The following KLF13 variants were observed in gnomAD, a reference collection of about 807,000 sequenced individuals.
KLF13 encodes the protein KLF transcription factor 13, also known as Krueppel-like factor 13.
Under a neutral mutation model 16.7 loss-of-function variants are expected in KLF13, and 8 were observed. The ratio of observed to expected loss-of-function variants is 0.48; its 90% CI spans 0.28 to 0.87. The LOEUF is 0.87. Ranked by LOEUF, KLF13 falls within the 40% of genes least tolerant of loss-of-function variation. KLF13 has a pLI of 0.10. For missense variants in KLF13, 447 were observed against 452.2 expected, an observed-to-expected ratio of 0.99 and a Z score of 0.10; for synonymous variants, 245 against 208.4, an observed-to-expected ratio of 1.18 and a Z score of -1.51.
chr15:31,349,390 A>C (rs896319819), intron 1 of KLF13, among the ~76,000 whole-genome samples: 1 of 152,194 alleles, frequency 6.6e-6, no homozygotes, highest in African/African-American at 2.4e-5. Context: ...GCCACATGGG[A>C]GGCGGGTGCC....
intron 1 of KLF13, among the ~76,000 whole-genome samples, chr15:31,430,477 C>T (rs941774737): frequency 7.2e-5 from 11 of 152,192 alleles, no homozygotes; most frequent in South Asian, 2.1e-4. Flanking sequence ...TGCTGCATCA[C>T]GACATGTTGG....
At chr15:31,349,237 AT>A (rs1339711097) in intron 1 of KLF13, among the ~76,000 whole-genome samples, 4 of 152,082 alleles carry the variant, frequency 2.6e-5, no homozygotes, top group Non-Finnish European at 4.4e-5. Context: ...CTGTCATTCC[AT>A]CTGGGGGAAT....
intron 1 of KLF13, among the ~76,000 whole-genome samples, chr15:31,335,197 T>G (rs2038907452): frequency 6.6e-6 from 1 of 152,140 alleles, no homozygotes; most frequent in Non-Finnish European, 1.5e-5. Flanking sequence ...TTTTAGATCT[T>G]AGGTCCGTCT....
intron 1 of KLF13, among the ~76,000 whole-genome samples, chr15:31,351,881 C>T (rs1289487188): frequency 3.3e-5 from 5 of 151,988 alleles, no homozygotes; most frequent in African/African-American, 4.8e-5. Flanking sequence ...GGTGTGGTGG[C>T]GGACGCCTGT....
downstream of KLF13, among the ~76,000 whole-genome samples, chr15:31,378,062 C>G (rs894965009): frequency 6.6e-6 from 1 of 152,122 alleles, no homozygotes; most frequent in South Asian, 2.1e-4. Context: ...CAGAAGAGCT[C>G]TTGCACACAG....
chr15:31,379,457 G>A (rs1401779330), downstream of KLF13, among the ~76,000 whole-genome samples: 2 of 151,490 alleles, frequency 1.3e-5, no homozygotes, highest in African/African-American at 2.4e-5. Flanking sequence ...AAAAAAAAAA[G>A]CCTGTCAGTT....
chr15:31,328,181 C>A (rs1366831376), intron 1 of KLF13, among the ~76,000 whole-genome samples: 1 of 150,300 alleles, frequency 6.7e-6, no homozygotes, highest in Admixed American at 6.6e-5. Context: ...GCGCCCGGAG[C>A]GGGGGCAGGG....
chr15:31,344,996 T>TG (rs1183267431), intron 1 of KLF13, among the ~76,000 whole-genome samples: 1 of 152,178 alleles, frequency 6.6e-6, no homozygotes, highest in African/African-American at 2.4e-5. Flanking sequence ...TGTGAGCTGT[T>TG]GCAGTTTGGG....
At chr15:31,344,510 C>A (rs1051669563) in intron 1 of KLF13, among the ~76,000 whole-genome samples, 1 of 152,240 alleles carries the variant, frequency 6.6e-6, no homozygotes, top group African/African-American at 2.4e-5. Context: ...TGACTTCACC[C>A]TACTGTCATG....
At chr15:31,401,718 G>A (rs1210971112) in intron 2 of KLF13, among the ~76,000 whole-genome samples, 1 of 152,216 alleles carries the variant, frequency 6.6e-6, no homozygotes, top group African/African-American at 2.4e-5. Flanking sequence ...TGCGGTACTT[G>A]CCCAAGGCCA....
chr15:31,418,847 C>T (rs1215614478), intron 1 of KLF13, among the ~76,000 whole-genome samples: 2 of 152,172 alleles, frequency 1.3e-5, no homozygotes, highest in Non-Finnish European at 1.5e-5. Context: ...TGGTGGCTCA[C>T]ATCTGTGATC....
intron 1 of KLF13, among the ~76,000 whole-genome samples, chr15:31,347,007 T>C (rs753698894): frequency 3.9e-5 from 6 of 152,166 alleles, no homozygotes; most frequent in Non-Finnish European, 7.4e-5. Context: ...TCAGTTCCCC[T>C]ACCTGCTGGC....
chr15:31,372,407 C>A lies in KLF13; in HGVS notation c.*108C>A, dbSNP rs2039569529. On this transcript the variant is annotated 3_prime_UTR_variant, in exon 2 of 2. Coordinates refer to ENST00000307145, the MANE Select transcript of KLF13 (RefSeq NM_015995.4). Reference sequence around the variant, plus strand: ...ACTTGATGCAAAGTCCACGAAAAAACAATTTTTTTCACCTCAGGTGTCAAA... The same window carrying A: ...ACTTGATGCAAAGTCCACGAAAAAAAAATTTTTTTCACCTCAGGTGTCAAA... 1 of 1,195,276 alleles carries A rather than the reference C, an allele frequency of 8.4e-7. No individual in the cohort carries two copies. The highest frequency in any genetic ancestry group is 1.1e-6 in the Non-Finnish European group (1 of 918,146). 74.0% of individuals were successfully genotyped at this position (1,195,276 alleles called of 1,614,324 possible).
intron 2 of KLF13, among the ~76,000 whole-genome samples, chr15:31,398,705 G>T (rs963082908): frequency 6.6e-6 from 1 of 152,120 alleles, no homozygotes; most frequent in Non-Finnish European, 1.5e-5. Context: ...AGGCCCCCAG[G>T]CCTTGGAAAG....
chr15:31,388,570 A>T (rs2140980814), upstream of KLF13, among the ~76,000 whole-genome samples: 1 of 150,132 alleles, frequency 6.7e-6, no homozygotes, highest in South Asian at 2.1e-4. Flanking sequence ...GTGAGCCAAG[A>T]TTTCAGCCTG....
chr15:31,417,057 T>C (rs2040263816), intron 1 of KLF13, among the ~76,000 whole-genome samples: 1 of 152,188 alleles, frequency 6.6e-6, no homozygotes, highest in Admixed American at 6.6e-5. Flanking sequence ...AGGATGAGTT[T>C]GGTTTGCCCC....
At chr15:31,414,444 A>C (rs1448934563) in intron 1 of KLF13, among the ~76,000 whole-genome samples, 1 of 152,196 alleles carries the variant, frequency 6.6e-6, no homozygotes, top group Non-Finnish European at 1.5e-5. Flanking sequence ...ATTACAAAAA[A>C]CATGCTTCTA....
In KLF13 at chr15:31,326,998, C is replaced by A; in HGVS notation, c.-215C>A. ...ACCCCAGTCGCCCGCGCGCCCCATG[C>A]GCTCACTCTTCGGTGCCCGGCCGGG... On this transcript the variant is annotated 5_prime_UTR_variant, in exon 1 of 2. Transcript: ENST00000307145. 4.8e-6 allele frequency: 1 copy of A among 206,998 alleles called. No homozygotes were observed. The highest frequency in any genetic ancestry group is 8.8e-6 in the Non-Finnish European group (1 of 113,970). 12.8% of individuals were successfully genotyped at this position (206,998 alleles called of 1,614,324 possible).
chr15:31,378,268 G>A (rs927632919), downstream of KLF13, among the ~76,000 whole-genome samples: 8 of 152,098 alleles, frequency 5.3e-5, no homozygotes, highest in Admixed American at 1.3e-4. Flanking sequence ...AGCAGCCACC[G>A]CTTCTTTCAA....
Sources: allele counts gnomAD v4.1 joint callset (sites outside exome capture counted in the v4.1 genomes callset), GRCh38; gene constraint gnomAD v4.1.1; transcripts MANE v1.5; gene names NCBI Gene and HGNC (gene_info 2026-07-23, HGNC 2026-07-21).